The following TACC3 variants were observed in gnomAD, a reference collection of about 807,000 sequenced individuals.
The protein encoded by TACC3 is transforming acidic coiled-coil-containing protein 3.
Under a neutral mutation model 86.0 loss-of-function variants are expected in TACC3, and 52 were observed. The ratio of observed to expected loss-of-function variants is 0.60; its 90% CI spans 0.48 to 0.76. The LOEUF (loss-of-function observed/expected upper bound fraction) is 0.76, where lower values mean the gene tolerates loss of function less well. Ranked by LOEUF, TACC3 falls within the 30% of genes least tolerant of loss-of-function variation. The probability of loss-of-function intolerance (pLI) is 0.00; values close to 1 mark genes in which losing one functional copy is unlikely to be tolerated. For missense variants in TACC3, 1,120 were observed against 1,070.4 expected, an observed-to-expected ratio of 1.05 and a Z score of -0.65; for synonymous variants, 512 against 430.0, an observed-to-expected ratio of 1.19 and a Z score of -2.36.
upstream of TACC3, chr4:1,720,905 A>G (rs1265788584): frequency 7.0e-7 from 1 of 1,422,396 alleles, no homozygotes; most frequent in African/African-American, 1.5e-5. The surrounding 1 kb of genome is among the most constrained non-coding windows in gnomAD (Gnocchi z 4.4). Flanking sequence ...CGCAGCGCCC[A>G]GTCCCGGACC....
chr4:1,724,599 C>T (rs377153583), intron 3 of TACC3, among the ~76,000 whole-genome samples: 3 of 151,882 alleles, frequency 2.0e-5, no homozygotes, highest in South Asian at 2.1e-4. Context: ...AAGTGGATGG[C>T]GAGGCGGTGT....
rs566511362 is a variant in TACC3 at position 1,734,458 on chromosome 4, G to T, written c.1592-815G>T. On this transcript the variant is annotated intron_variant, in intron 6 of 15. Coordinates refer to ENST00000313288, the MANE Select transcript of TACC3 (RefSeq NM_006342.3). ...CTGCCTTGGCCTCCCAAAGTGCTGG[G>T]ATTACAGATGTGAGCTACTGCGCCC... Among the ~76,000 whole-genome samples the T allele has an allele frequency of 4.5e-4, 69 of 152,294 alleles. No homozygotes were observed. The South Asian group carries it at 0.014, about 30-fold the overall frequency.
At chr4:1,737,868 GC>G in intron 10 of TACC3, 166 bp downstream of exon 10, 1 of 730,096 alleles carries the variant, frequency 1.4e-6, no homozygotes, top group Non-Finnish European at 2.4e-6. Context: ...TGTCACTACT[GC>G]CCAGGTCGCT....
In TACC3 at chr4:1,730,897, T is replaced by G. The variant is rs1386321666; in HGVS notation, c.1396T>G (p.Ser466Ala). 2 of 1,613,244 alleles carry G rather than the reference T, an allele frequency of 1.2e-6. No individual in the cohort carries two copies. Among genetic ancestry groups the G allele is most frequent in the East Asian group, 4.5e-5 (2 of 44,890 alleles). ...PGPCLSQQLH[S>A]ASAEDTPVVQ... ...ACTCTGTCTCCCCAGGCAGCTGCAT[T>G]CAGCCTCAGCGGAGGACACGCCTGT... is the stretch of plus-strand genomic sequence containing the variant. The change falls in exon 5 of 16, where the codon TCA becomes GCA. Residue 466 changes from serine (S) to alanine (A), a missense_variant. Ser to Ala is a moderately conservative substitution (Grantham distance 99). Transcript: ENST00000313288.
At chr4:1,739,636 T>C in intron 10 of TACC3, 66 bp from the exon 11 acceptor site, 1 of 1,457,840 alleles carries the variant, frequency 6.9e-7, no homozygotes, top group Non-Finnish European at 9.4e-7. Flanking sequence ...GGCCCCATCC[T>C]GTGGGGAGGT....
chr4:1,723,881 G>A lies in TACC3; in HGVS notation c.305+11G>A. On this transcript the variant is annotated intron_variant, in intron 3 of 15. Coordinates refer to ENST00000313288, the MANE Select transcript of TACC3 (RefSeq NM_006342.3). ...GACACAGAAAGAGAAGTAAGTGTTG[G>A]TGCTGCTGGACATGCTGGAGCTTCA... 1 of 1,612,690 alleles carries A rather than the reference G, an allele frequency of 6.2e-7. No individual in the cohort carries two copies. Among genetic ancestry groups the A allele is most frequent in the Non-Finnish European group, 8.5e-7 (1 of 1,179,712 alleles).
chr4:1,740,554 G>C (rs529886485), intron 12 of TACC3: 1 of 398,500 alleles, frequency 2.5e-6, no homozygotes, highest in Admixed American at 4.3e-5. Context: ...CCTCACCCTA[G>C]GCTCTAGGGT....
intron 12 of TACC3, 164 bp from the exon 13 acceptor site, chr4:1,740,662 C>CT (rs2108717592): frequency 1.6e-6 from 1 of 635,866 alleles, no homozygotes; most frequent in South Asian, 1.9e-5. Context: ...TGCATCCGGC[C>CT]TAGAAGATCC....
At chr4:1,730,754 G>A (rs2108693394) in intron 4 of TACC3, 133 bp from the exon 5 acceptor site, 1 of 1,059,374 alleles carries the variant, frequency 9.4e-7, no homozygotes, top group South Asian at 1.3e-5. Context: ...CCCATGCCTG[G>A]CACGCTCTAG....
At chr4:1,737,469 C>T (rs3816352) in intron 9 of TACC3, 129 bp from the exon 10 acceptor site, 251,918 of 1,083,088 alleles carry the variant, frequency 0.23, 30,682 homozygotes, top group Non-Finnish European at 0.26. Flanking sequence ...GTTCCCTCGC[C>T]GCACTGTCTC....
rs538406144 is a variant in TACC3, at chr4:1,736,179, T to C, written c.1748+345T>C. ...TGGCTTACGCCTGTAATCCCAGCAC[T>C]TTGGGAGGCCGAGGTGGATGGATAG... On this transcript the variant is annotated intron_variant, in intron 8 of 15. Transcript: ENST00000313288. Among the ~76,000 whole-genome samples the C allele has an allele frequency of 7.2e-5, 11 of 152,214 alleles. No individual in the cohort carries two copies. The South Asian group carries it at 1.2e-3, about 17-fold the overall frequency.
At chr4:1,723,082 C>T (rs931415523) in intron 1 of TACC3, 4 of 214,762 alleles carry the variant, frequency 1.9e-5, no homozygotes, top group South Asian at 8.0e-5. Flanking sequence ...CGTCTCTTGA[C>T]TTCTGCTTGA....
Position 1,728,339 on chromosome 4 carries a change from G to C in TACC3, c.937G>C (p.Ala313Pro). The C allele has an allele frequency of 6.2e-7, 1 of 1,613,074 alleles. No homozygotes were observed. The highest frequency in any genetic ancestry group is 8.5e-7 in the Non-Finnish European group (1 of 1,180,018). ...APTNHLVAGR[A>P]MTLSPQEEVA... is the part of the protein sequence containing the mutation. ...AACCAACCACCTGGTGGCTGGCAGG[G>C]CCATGACCCTGAGTCCTCAGGAAGA... The change falls in exon 4 of 16, where the codon GCC becomes CCC. Residue 313 changes from alanine to proline, a missense_variant. Coordinates refer to ENST00000313288, the MANE Select transcript of TACC3 (RefSeq NM_006342.3).
rs1374170639 is a variant in TACC3 at position 1,728,052 on chromosome 4, C to T, written c.650C>T (p.Pro217Leu). The T allele has an allele frequency of 1.9e-5, 30 of 1,542,348 alleles. No individual in the cohort carries two copies. Among genetic ancestry groups the T allele is most frequent in the Middle Eastern group, 1.8e-4 (1 of 5,678 alleles). The change falls in exon 4 of 16, where the codon CCG (proline) becomes CTG (leucine). Residue 217 changes from proline to leucine, a missense_variant. Coordinates refer to ENST00000313288, the MANE Select transcript of TACC3 (RefSeq NM_006342.3). Reference sequence around the variant, plus strand: ...GAGTCCCAGCACAAAGCGGAGACTCCGCACGGAGCCGAGGAAGAATGCAAA... The same window carrying T: ...GAGTCCCAGCACAAAGCGGAGACTCTGCACGGAGCCGAGGAAGAATGCAAA... ...RTESQHKAETPHGAEEECKAE... is the reference protein window; with the variant it reads ...RTESQHKAETLHGAEEECKAE...
At chr4:1,739,928 C>T (rs927930803) in intron 11 of TACC3, 31 bp from the exon 12 acceptor site, 10 of 1,612,934 alleles carry the variant, frequency 6.2e-6, no homozygotes, top group Admixed American at 1.7e-5. Flanking sequence ...GCACCCGAGG[C>T]AATGGCTGTG....
chr4:1,739,616 G>A, intron 10 of TACC3, 86 bp from the exon 11 acceptor site: 1 of 1,271,602 alleles, frequency 7.9e-7, no homozygotes, highest in Non-Finnish European at 1.1e-6. Flanking sequence ...AGGGACCTCG[G>A]GTGCGGGCTG....
At chr4:1,737,810 GC>G (rs1553829528) in intron 10 of TACC3, 108 bp downstream of exon 10, 1 of 1,040,704 alleles carries the variant, frequency 9.6e-7, no homozygotes, top group Non-Finnish European at 1.5e-6. Context: ...TGCCATCCCT[GC>G]CCCTGCTGGT....
At position 1,739,648 on chromosome 4, in the gene TACC3, C is replaced by T. The variant is rs112953484; in HGVS notation, c.1942-54C>T. 18 of 1,524,642 alleles carry T rather than the reference C, an allele frequency of 1.2e-5. 1 individual carries two copies. In the African/African-American group the frequency reaches 2.1e-4, roughly 17 times the overall value. 94.4% of individuals were successfully genotyped at this position (1,524,642 alleles called of 1,614,324 possible). On this transcript the variant is annotated intron_variant, in intron 10 of 15. Coordinates refer to ENST00000313288, the MANE Select transcript of TACC3 (RefSeq NM_006342.3). ...GCTGGCCCCATCCTGTGGGGAGGTCCTGGGAGGGTCAGTCTGGCCCGCCTG... is the reference window on the plus strand; with the variant it reads ...GCTGGCCCCATCCTGTGGGGAGGTCTTGGGAGGGTCAGTCTGGCCCGCCTG...
rs1718471502 is a variant in TACC3, at chr4:1,739,696, G to A, written c.1942-6G>A. The A allele has an allele frequency of 3.2e-6, 5 of 1,573,342 alleles. No homozygotes were observed. In the South Asian group the frequency reaches 3.5e-5, roughly 11 times the overall value. ...CTGCCTGCTGACTTGGGTGTGGCCT[G>A]AGCAGGTAAAGGCGACACAGGAGGA... On this transcript the variant is annotated splice_polypyrimidine_tract_variant and splice_region_variant and intron_variant, in intron 10 of 15. Transcript: ENST00000313288.
Sources: allele counts gnomAD v4.1 joint callset (sites outside exome capture counted in the v4.1 genomes callset), GRCh38; gene constraint gnomAD v4.1.1; non-coding constraint Gnocchi (gnomAD v3.1); transcripts MANE v1.5; gene names NCBI Gene and HGNC (gene_info 2026-07-23, HGNC 2026-07-21).